TMEM116: variants seen among roughly 807,000 people sequenced by gnomAD.
TMEM116 encodes the protein transmembrane protein 116.
Under a neutral mutation model 44.3 loss-of-function variants are expected in TMEM116, and 38 were observed. The observed-to-expected ratio is 0.86, with a 90% confidence interval of 0.66 to 1.12. The LOEUF (loss-of-function observed/expected upper bound fraction) is 1.12, where lower values mean the gene tolerates loss of function less well. TMEM116 is among the 50% of genes most tolerant of loss of function. TMEM116 has a pLI of 0.00. For synonymous variants in TMEM116, 132 were observed against 144.8 expected, an observed-to-expected ratio of 0.91 and a Z score of 0.64; for missense variants, 354 against 401.7, an observed-to-expected ratio of 0.88 and a Z score of 1.01.
chr12:111,963,230 G>A (rs952686440), intron 4 of TMEM116, among the ~76,000 whole-genome samples: 1 of 152,198 alleles, frequency 6.6e-6, no homozygotes, highest in Non-Finnish European at 1.5e-5. Flanking sequence ...TGGTGGGAGT[G>A]TAAATTAGTT....
At chr12:111,993,671 T>G (rs1278038552) in intron 3 of TMEM116, 2 of 598,520 alleles carry the variant, frequency 3.3e-6, no homozygotes, top group African/African-American at 3.7e-5. Context: ...GCATATGCCA[T>G]GATGAAGTTT....
chr12:112,003,704 T>C (rs908332267), intron 3 of TMEM116, 96 bp downstream of exon 3: 30 of 1,431,156 alleles, frequency 2.1e-5, no homozygotes, highest in Non-Finnish European at 2.6e-5. Flanking sequence ...AAGTAATTCA[T>C]AGAATTATTT....
At chr12:111,998,315 A>C (rs2077042185) in intron 3 of TMEM116, among the ~76,000 whole-genome samples, 1 of 152,244 alleles carries the variant, frequency 6.6e-6, no homozygotes, top group Non-Finnish European at 1.5e-5. Context: ...GGACTATTTT[A>C]GTAGCTGGGC....
At chr12:111,943,942 C>T (rs555807040) in intron 4 of TMEM116, among the ~76,000 whole-genome samples, 1 of 152,280 alleles carries the variant, frequency 6.6e-6, no homozygotes. Context: ...CTACCTGCCC[C>T]ACAGTCCCAC....
chr12:111,993,838 G>A, intron 3 of TMEM116: 1 of 748,718 alleles, frequency 1.3e-6, no homozygotes, highest in Non-Finnish European at 2.5e-6. Context: ...TGATTCTGTG[G>A]TATCTGTGTT....
At chr12:112,004,653 A>G (rs1427815228) in intron 2 of TMEM116, among the ~76,000 whole-genome samples, 1 of 148,190 alleles carries the variant, frequency 6.7e-6, no homozygotes, top group Non-Finnish European at 1.5e-5. Flanking sequence ...AGGCCATGCC[A>G]ATCTTTTTTT....
intron 4 of TMEM116, among the ~76,000 whole-genome samples, chr12:111,945,641 G>C (rs1422731672): frequency 6.6e-6 from 1 of 152,024 alleles, no homozygotes; most frequent in African/African-American, 2.4e-5. Context: ...AGAGACTCAG[G>C]ACTCATCTTT....
At chr12:111,988,397 A>C (rs560274223) in intron 4 of TMEM116, among the ~76,000 whole-genome samples, 1 of 152,334 alleles carries the variant, frequency 6.6e-6, no homozygotes, top group Non-Finnish European at 1.5e-5. Context: ...CAATCTTAAA[A>C]AACAAAACAA....
intron 3 of TMEM116, 21 bp from the exon 4 acceptor site, chr12:111,991,910 T>A: frequency 6.5e-7 from 1 of 1,531,858 alleles, no homozygotes; most frequent in Non-Finnish European, 8.7e-7. Context: ...AATAAAATCC[T>A]CATTTCATAT....
intron 4 of TMEM116, among the ~76,000 whole-genome samples, chr12:111,948,452 T>C (rs995925483): frequency 5.9e-5 from 9 of 152,212 alleles, no homozygotes; most frequent in Non-Finnish European, 1.0e-4. Flanking sequence ...TAGTGCTTCA[T>C]ACAGTGCCAA....
Position 112,000,650 on chromosome 12 carries a change from C to T in TMEM116, c.78+3150G>A, listed in dbSNP as rs1381455460. 22 of 431,836 alleles carry T rather than the reference C, an allele frequency of 5.1e-5. No homozygotes were observed. In the East Asian group the frequency reaches 1.4e-3, roughly 28 times the overall value. 26.8% of individuals were successfully genotyped at this position (431,836 alleles called of 1,614,324 possible). ...CTGAGCCTCCCAGGCTCAAGTGATC[C>T]TCCCATCTCAGCCTTTATTCCAATA... On this transcript the variant is annotated intron_variant, in intron 3 of 10. Coordinates refer to ENST00000552374, the MANE Select transcript of TMEM116 (RefSeq NM_001193531.2).
chr12:111,990,170 G>C (rs1334720316), intron 4 of TMEM116, among the ~76,000 whole-genome samples: 3 of 151,882 alleles, frequency 2.0e-5, no homozygotes, highest in Non-Finnish European at 2.9e-5. Flanking sequence ...CAGGAGAATG[G>C]TGTGAACCCG....
intron 1 of TMEM116, among the ~76,000 whole-genome samples, chr12:112,007,567 G>C (rs2077651311): frequency 1.3e-5 from 2 of 152,060 alleles, no homozygotes; most frequent in Non-Finnish European, 2.9e-5. Flanking sequence ...AAAAATACCA[G>C]GAAATTTCTA....
chr12:111,995,602 G>C (rs905298525), intron 3 of TMEM116, among the ~76,000 whole-genome samples: 1 of 152,066 alleles, frequency 6.6e-6, no homozygotes, highest in Non-Finnish European at 1.5e-5. Context: ...GCTGGGCATG[G>C]TGGCGGGCGC....
intron 8 of TMEM116, chr12:111,935,509 GTC>G (rs2072072285): frequency 6.6e-6 from 1 of 151,998 alleles, no homozygotes; most frequent in Non-Finnish European, 1.5e-5. Context: ...TTTGGGACCT[GTC>G]TCTCTTGTTA....
rs369621035 is a variant in TMEM116, at chr12:111,936,613, T to C, written c.588+79A>G. On this transcript the variant is annotated intron_variant, in intron 8 of 10. Transcript: ENST00000552374. ...ACAAGAAGTGCCTCTCTGCCCCATC[T>C]TTCCCAGGTCCTGGGAATACTGGCC... 1.8e-3 allele frequency: 2,666 copies of C among 1,493,936 alleles called. 49 individuals carry two copies. In the South Asian group the frequency reaches 0.021, roughly 12 times the overall value. 92.5% of individuals were successfully genotyped at this position (1,493,936 alleles called of 1,614,324 possible).
At chr12:111,946,123 G>A (rs1030303273) in intron 4 of TMEM116, among the ~76,000 whole-genome samples, 6 of 152,234 alleles carry the variant, frequency 3.9e-5, no homozygotes, top group African/African-American at 1.4e-4. Flanking sequence ...CTGTACTCCT[G>A]GATTTTCTTG....
intron 4 of TMEM116, among the ~76,000 whole-genome samples, chr12:111,981,064 C>CA (rs147175860): frequency 0.01 from 1,146 of 110,592 alleles, 17 homozygotes; most frequent in African/African-American, 0.03. Flanking sequence ...GACACTGTCT[C>CA]AAAAAAAAAA....
At chr12:111,953,849 T>A (rs192682663) in intron 4 of TMEM116, among the ~76,000 whole-genome samples, 2 of 152,296 alleles carry the variant, frequency 1.3e-5, no homozygotes, top group East Asian at 3.9e-4. Flanking sequence ...CTTACTTAGT[T>A]CACTCTTCTA....
Sources: allele counts gnomAD v4.1 joint callset (sites outside exome capture counted in the v4.1 genomes callset), GRCh38; gene constraint gnomAD v4.1.1; transcripts MANE v1.5; gene names NCBI Gene and HGNC (gene_info 2026-07-23, HGNC 2026-07-21).